Variants in CYP4X1 observed in about 807,000 individuals in gnomAD.
CYP4X1 encodes the protein cytochrome P450 4X1.
In CYP4X1, 44 loss-of-function variants were observed where a neutral mutation model predicts 57.9. The ratio of observed to expected loss-of-function variants is 0.76; its 90% CI spans 0.60 to 0.98. CYP4X1 has a LOEUF of 0.98. CYP4X1 is among the 50% of genes least tolerant of loss of function. The pLI is 0.00. For synonymous variants in CYP4X1, 227 were observed against 228.6 expected, an observed-to-expected ratio of 0.99 and a Z score of 0.06; for missense variants, 532 against 623.9, an observed-to-expected ratio of 0.85 and a Z score of 1.57.
At chr1:47,044,350 TA>T (rs1172335652) in intron 8 of CYP4X1, among the ~76,000 whole-genome samples, 3 of 152,188 alleles carry the variant, frequency 2.0e-5, no homozygotes, top group Non-Finnish European at 4.4e-5. Context: ...TTTCAACACT[TA>T]AAAAAACTAT....
intron 8 of CYP4X1, 131 bp downstream of exon 8, chr1:47,039,663 T>C: frequency 1.8e-6 from 1 of 551,922 alleles, no homozygotes; most frequent in Non-Finnish European, 2.9e-6. Flanking sequence ...TAGGCTACTT[T>C]TCTGTTCTTT....
chr1:46,961,693 A>G, the CYP4X1 span: 2 of 1,293,924 alleles, frequency 1.5e-6, no homozygotes, highest in East Asian at 5.5e-5. Flanking sequence ...ATTTGACCCA[A>G]CCAACTTCTT....
intron 3 of CYP4X1, among the ~76,000 whole-genome samples, chr1:47,032,285 A>G (rs1644133048): frequency 6.6e-6 from 1 of 152,224 alleles, no homozygotes; most frequent in Non-Finnish European, 1.5e-5. Context: ...AAAGAAAAGA[A>G]TATAGGCTTG....
the CYP4X1 span, among the ~76,000 whole-genome samples, chr1:46,982,638 A>C: frequency 1.3e-5 from 2 of 152,156 alleles, no homozygotes; most frequent in African/African-American, 4.8e-5. Flanking sequence ...TTAAGAAAGT[A>C]TATTTGGTGT....
the CYP4X1 span, chr1:46,994,638 G>C: frequency 1.3e-5 from 2 of 152,360 alleles, no homozygotes; most frequent in South Asian, 4.1e-4. Flanking sequence ...GAAGATCTTG[G>C]ACCCCAGTGT....
At chr1:47,022,524 C>A (rs1238526631), upstream of CYP4X1, among the ~76,000 whole-genome samples, 2 of 151,798 alleles carry the variant, frequency 1.3e-5, no homozygotes, top group Non-Finnish European at 2.9e-5. Flanking sequence ...CCCTTGACCT[C>A]GTGATCCGCC....
chr1:46,980,137 C>A, the CYP4X1 span, among the ~76,000 whole-genome samples: 7 of 151,962 alleles, frequency 4.6e-5, no homozygotes, highest in African/African-American at 1.7e-4. Context: ...GACCATCAGG[C>A]AAGAGAAAAA....
At chr1:46,998,316 C>T in the CYP4X1 span, among the ~76,000 whole-genome samples, 1 of 152,234 alleles carries the variant, frequency 6.6e-6, no homozygotes, top group South Asian at 2.1e-4. Context: ...GCTGGAACTA[C>T]AGGCGTGCAC....
rs1295566245 is a variant in CYP4X1 at position 47,049,430 on chromosome 1, C to T, written c.1281C>T (p.Asp427=). The change falls in exon 11 of 12, where the codon GAC becomes GAT. Residue 427 remains aspartate (D), a synonymous_variant. Transcript: ENST00000371901. ...TTGTCCTCTCATTTCAGGTCTTTGA[C>T]CCCTTGAGGTTCTCTCAGGAGAATT... ...PAVWKNPKVF[D]PLRFSQENSD... is the part of the protein sequence containing the mutation. 2.5e-6 allele frequency: 4 copies of T among 1,613,930 alleles called. No homozygotes were observed. In the East Asian group the frequency reaches 6.7e-5, roughly 27 times the overall value.
chr1:46,998,101 A>G, the CYP4X1 span, among the ~76,000 whole-genome samples: 1 of 152,108 alleles, frequency 6.6e-6, no homozygotes, highest in Non-Finnish European at 1.5e-5. Flanking sequence ...GTTTTGATTT[A>G]GTATTATGCA....
At chr1:47,023,227 A>G (rs1644018181), upstream of CYP4X1, among the ~76,000 whole-genome samples, 1 of 152,220 alleles carries the variant, frequency 6.6e-6, no homozygotes, top group African/African-American at 2.4e-5. Context: ...GCTACTGTGC[A>G]TATCTTCCCC....
the CYP4X1 span, among the ~76,000 whole-genome samples, chr1:46,996,583 T>C: frequency 0.91 from 139,126 of 152,290 alleles, 64,619 homozygotes; most frequent in East Asian, 1. Context: ...TATAACAAAG[T>C]AATAAAAGCA....
At chr1:46,989,820 T>C in the CYP4X1 span, among the ~76,000 whole-genome samples, 3 of 152,262 alleles carry the variant, frequency 2.0e-5, no homozygotes, top group Non-Finnish European at 4.4e-5. Context: ...CCTTAATAAA[T>C]GGTGCTGGGA....
Position 47,023,721 on chromosome 1 carries a change from C to T in CYP4X1, c.-97C>T. ...GAAGCTTCGCGAGGGCCCAGAGAGG[C>T]GGTGGGGTGGGCGACCCTACGCCAG... On this transcript the variant is annotated 5_prime_UTR_variant, in exon 1 of 12. Transcript: ENST00000371901. 2 of 1,487,506 alleles carry T rather than the reference C, an allele frequency of 1.3e-6. No individual in the cohort carries two copies. The highest frequency in any genetic ancestry group is 1.4e-5 in the South Asian group (1 of 72,234). The allele number at this position is 1,487,506 out of a possible 1,614,324, so 92.1% of individuals were successfully genotyped here.
chr1:47,006,056 T>C, the CYP4X1 span, among the ~76,000 whole-genome samples: 1 of 152,230 alleles, frequency 6.6e-6, no homozygotes, highest in South Asian at 2.1e-4. Context: ...TAGTGTCTAA[T>C]ATCTCAGTTT....
chr1:46,978,339 A>G, the CYP4X1 span, among the ~76,000 whole-genome samples: 1 of 152,136 alleles, frequency 6.6e-6, no homozygotes, highest in Non-Finnish European at 1.5e-5. Flanking sequence ...AGTCTCTGAA[A>G]AAACAGACTT....
chr1:47,055,420 G>A (rs543892436), downstream of CYP4X1, among the ~76,000 whole-genome samples: 9 of 152,290 alleles, frequency 5.9e-5, no homozygotes, highest in Non-Finnish European at 1.0e-4. Context: ...ATATCAGGAT[G>A]ATGCTGGCCT....
At chr1:47,000,318 T>G in the CYP4X1 span, among the ~76,000 whole-genome samples, 3 of 152,098 alleles carry the variant, frequency 2.0e-5, no homozygotes, top group Non-Finnish European at 2.9e-5. Context: ...AATGAAACCT[T>G]CTTTTGTTAT....
At chr1:47,023,596 C>A (rs536043584), upstream of CYP4X1, 29 of 1,317,802 alleles carry the variant, frequency 2.2e-5, no homozygotes, top group South Asian at 3.3e-4. Flanking sequence ...ACGAAGCGTG[C>A]GCGCTTTGGT....
Sources: gnomAD v4.1 joint callset for allele counts (sites outside exome capture counted in the v4.1 genomes callset) on GRCh38, gnomAD v4.1.1 for gene constraint, MANE v1.5 for transcripts, NCBI Gene and HGNC (gene_info 2026-07-23, HGNC 2026-07-21) for gene names.